ELF1: variants seen among roughly 807,000 people sequenced by gnomAD.
ELF1 encodes the protein E74 like ETS transcription factor 1, also known as ETS-related transcription factor Elf-1.
Under a neutral mutation model 59.9 loss-of-function variants are expected in ELF1, and 24 were observed. The ratio of observed to expected loss-of-function variants is 0.40; its 90% CI spans 0.29 to 0.56. ELF1 has a LOEUF of 0.56. ELF1 is among the 20% of genes least tolerant of loss of function. The pLI, the probability that ELF1 is intolerant of heterozygous loss-of-function variation, is 0.44. For missense variants in ELF1, 627 were observed against 742.2 expected (o/e 0.84, Z 1.80); for synonymous variants, 248 against 266.2 (o/e 0.93, Z 0.67).
intron 1 of ELF1, among the ~76,000 whole-genome samples, chr13:40,997,108 A>C (rs1208111557): frequency 6.6e-6 from 1 of 152,152 alleles, no homozygotes; most frequent in Non-Finnish European, 1.5e-5. Context: ...CAGGGAAATA[A>C]ACATTTCCAT....
intron 1 of ELF1, among the ~76,000 whole-genome samples, chr13:41,043,585 G>C (rs558219101): frequency 8.5e-5 from 13 of 152,200 alleles, no homozygotes; most frequent in Admixed American, 7.2e-4. Flanking sequence ...GCTTGTTTTT[G>C]TCAGGTTTTT....
At chr13:41,008,968 T>TA (rs901368476) in intron 1 of ELF1, among the ~76,000 whole-genome samples, 2 of 151,512 alleles carry the variant, frequency 1.3e-5, no homozygotes, top group African/African-American at 4.8e-5. Flanking sequence ...CTTTTTTTTT[T>TA]AAAAAAAACA....
At chr13:41,022,274 A>C (rs1875717966), upstream of ELF1, among the ~76,000 whole-genome samples, 1 of 152,232 alleles carries the variant, frequency 6.6e-6, no homozygotes, top group Non-Finnish European at 1.5e-5. Context: ...AACATGGATG[A>C]ACCTAAAAGC....
intron 2 of ELF1, among the ~76,000 whole-genome samples, chr13:40,973,350 G>C (rs1671468826): frequency 6.6e-6 from 1 of 152,108 alleles, no homozygotes; most frequent in African/African-American, 2.4e-5. Flanking sequence ...TTTTCCAAAA[G>C]AAGAATTGCT....
At chr13:41,007,068 G>A (rs925911939) in intron 1 of ELF1, among the ~76,000 whole-genome samples, 2 of 151,974 alleles carry the variant, frequency 1.3e-5, no homozygotes, top group Non-Finnish European at 2.9e-5. Flanking sequence ...GACAAGTCAT[G>A]ATTATTATTA....
At chr13:40,971,097 A>G (rs1284300462) in intron 2 of ELF1, among the ~76,000 whole-genome samples, 1 of 151,370 alleles carries the variant, frequency 6.6e-6, no homozygotes, top group Non-Finnish European at 1.5e-5. Context: ...AACCACTACC[A>G]GTACAGGATC....
At chr13:40,992,332 T>C (rs1309872667) in intron 1 of ELF1, among the ~76,000 whole-genome samples, 1 of 152,234 alleles carries the variant, frequency 6.6e-6, no homozygotes, top group African/African-American at 2.4e-5. Context: ...GTAAGCATTG[T>C]ATGTGGCATT....
At chr13:41,008,200 A>G (rs374009452) in intron 1 of ELF1, among the ~76,000 whole-genome samples, 29 of 152,212 alleles carry the variant, frequency 1.9e-4, no homozygotes, top group African/African-American at 5.5e-4. Context: ...CTTGAGAAAA[A>G]GCATTTATGC....
At chr13:40,982,342 A>C in intron 1 of ELF1, 60 bp from the exon 2 acceptor site, 1 of 1,114,998 alleles carries the variant, frequency 9.0e-7, no homozygotes, top group Non-Finnish European at 1.1e-6. Context: ...GGATATAATA[A>C]CTGATACAGA....
chr13:41,017,048 TTCA>T (rs1381420506), intron 1 of ELF1, among the ~76,000 whole-genome samples: 70 of 143,960 alleles, frequency 4.9e-4, no homozygotes, highest in Non-Finnish European at 9.8e-4. Flanking sequence ...TTCCCACCTC[TTCA>T]TATTTCCATC....
chr13:40,935,737 G>A (rs1048801942), intron 8 of ELF1, among the ~76,000 whole-genome samples: 5 of 150,128 alleles, frequency 3.3e-5, no homozygotes, highest in Non-Finnish European at 7.4e-5. Context: ...GCAGTGGTGT[G>A]ATCTCAGCTC....
At chr13:41,012,541 TTTTC>T (rs1248127555) in intron 1 of ELF1, among the ~76,000 whole-genome samples, 4 of 146,078 alleles carry the variant, frequency 2.7e-5, no homozygotes, top group East Asian at 3.9e-4. Flanking sequence ...TTTTCTTTTC[TTTTC>T]TTTTTTTTTT....
chr13:41,001,560 T>C (rs1874448071), intron 1 of ELF1, among the ~76,000 whole-genome samples: 1 of 152,166 alleles, frequency 6.6e-6, no homozygotes, highest in African/African-American at 2.4e-5. Context: ...AATAGCGTGG[T>C]TGGCATAAGA....
At chr13:40,934,175 A>C in intron 8 of ELF1, 147 bp from the exon 9 acceptor site, 1 of 1,089,026 alleles carries the variant, frequency 9.2e-7, no homozygotes, top group Non-Finnish European at 1.3e-6. Flanking sequence ...GACCAATATC[A>C]TGCCAGACTT....
At chr13:40,963,646 C>T (rs576092257) in intron 2 of ELF1, among the ~76,000 whole-genome samples, 15 of 152,320 alleles carry the variant, frequency 9.8e-5, no homozygotes, top group Non-Finnish European at 1.9e-4. Context: ...CAGTGGCTCA[C>T]GCCTGTAATC....
chr13:41,032,849 TA>T (rs56310760), intron 1 of ELF1, among the ~76,000 whole-genome samples: 122,547 of 135,498 alleles, frequency 0.9, 55,544 homozygotes, highest in Non-Finnish European at 0.98. Context: ...ACCTTGTTTC[TA>T]AAAAAAAAAA....
intron 1 of ELF1, among the ~76,000 whole-genome samples, chr13:41,048,050 G>T (rs572256747): frequency 6.6e-6 from 1 of 152,206 alleles, no homozygotes; most frequent in Non-Finnish European, 1.5e-5. Flanking sequence ...ATGAGCGAGG[G>T]TCTGTGGGCA....
chr13:41,004,261 G>GA (rs937482118), intron 1 of ELF1, among the ~76,000 whole-genome samples: 1 of 151,710 alleles, frequency 6.6e-6, no homozygotes, highest in Non-Finnish European at 1.5e-5. Context: ...GTGAGAACCT[G>GA]AAAAAACTTC....
In ELF1 at chr13:40,933,176, TA is replaced by T. The variant is rs1869523165; in HGVS notation, c.*248del. The T allele has an allele frequency of 7.1e-6, 3 of 424,726 alleles. No individual in the cohort carries two copies. Among genetic ancestry groups the T allele is most frequent in the Non-Finnish European group, 8.2e-6 (2 of 244,896 alleles). The allele number at this position is 424,726 out of a possible 1,614,324, so 26.3% of individuals were successfully genotyped here. ...AATGCTTATGATATAGCAACTGAAA[TA>T]AAAATCTCAAAAGAATGTCTTCATA... is the stretch of plus-strand genomic sequence containing the variant. On this transcript the variant is annotated 3_prime_UTR_variant, in exon 9 of 9. Transcript: ENST00000239882.
Sources: allele counts gnomAD v4.1 joint callset (sites outside exome capture counted in the v4.1 genomes callset), GRCh38; gene constraint gnomAD v4.1.1; transcripts MANE v1.5; gene names NCBI Gene and HGNC (gene_info 2026-07-23, HGNC 2026-07-21).